Variants in PKD1L1 observed in about 807,000 individuals in gnomAD.
PKD1L1 encodes the protein polycystin-1-like protein 1.
Under a neutral mutation model 323.4 loss-of-function variants are expected in PKD1L1, and 236 were observed. The observed-to-expected ratio is 0.73, with a 90% confidence interval of 0.66 to 0.81. The LOEUF is 0.81. PKD1L1 is among the 40% of genes least tolerant of loss of function. The pLI is 0.00. For missense variants in PKD1L1, 3,320 were observed against 3,508.0 expected, an observed-to-expected ratio of 0.95 and a Z score of 1.35; for synonymous variants, 1,344 against 1,335.0, an observed-to-expected ratio of 1.01 and a Z score of -0.15.
chr7:47,877,597 C>G lies in PKD1L1; in HGVS notation c.3555G>C (p.Leu1185=). 1.2e-6 allele frequency: 2 copies of G among 1,614,180 alleles called. No homozygotes were observed. Among genetic ancestry groups the G allele is most frequent in the Non-Finnish European group, 1.7e-6 (2 of 1,180,024 alleles). ...SKHGLLGKAQ[L]YLTVNPAPRD... ...GAGGAGCCGGGTTGACTGTCAAGTA[C>G]AGCTGAGCTTTACCCAGTAAGCCAT... Residue 1185 remains leucine (L), a synonymous_variant, in exon 22 of 57, where the codon CTG becomes CTC. Coordinates refer to ENST00000289672, the MANE Select transcript of PKD1L1 (RefSeq NM_138295.5).
intron 31 of PKD1L1, among the ~76,000 whole-genome samples, chr7:47,849,506 AAC>A (rs1430042389): frequency 3.9e-5 from 6 of 152,164 alleles, no homozygotes; most frequent in Admixed American, 3.9e-4. Context: ...CGCAAGAAAA[AAC>A]AAATAACCCC....
chr7:47,817,869 CA>C (rs200789984), intron 46 of PKD1L1, among the ~76,000 whole-genome samples: 15 of 149,892 alleles, frequency 1.0e-4, no homozygotes, highest in East Asian at 1.9e-4. Flanking sequence ...GGCTCTGTCT[CA>C]AAAAAAAAAT....
At chr7:47,919,818 C>G (rs1031920222) in intron 7 of PKD1L1, among the ~76,000 whole-genome samples, 7 of 152,214 alleles carry the variant, frequency 4.6e-5, no homozygotes, top group Admixed American at 2.0e-4. Flanking sequence ...ATCCAGCATC[C>G]CTTTATGATT....
intron 32 of PKD1L1, among the ~76,000 whole-genome samples, chr7:47,846,063 T>C (rs6975745): frequency 0.56 from 85,898 of 152,084 alleles, 24,749 homozygotes; most frequent in African/African-American, 0.61. Flanking sequence ...TTTAAGAGTG[T>C]AACATAAGAA....
At chr7:47,922,793 A>G (rs1036121433) in intron 7 of PKD1L1, among the ~76,000 whole-genome samples, 2 of 150,200 alleles carry the variant, frequency 1.3e-5, no homozygotes, top group East Asian at 4.0e-4. Flanking sequence ...CCATCTGGGA[A>G]GTGGGGAGCC....
Position 47,946,123 on chromosome 7 carries a change from C to T in PKD1L1, c.44+2274G>A, listed in dbSNP as rs1279132190. On this transcript the variant is annotated intron_variant, in intron 1 of 56. Transcript: ENST00000289672. The surrounding 1 kb of genome is among the most constrained non-coding windows in gnomAD (Gnocchi z 4.1). ...CCTGGCACAGAATCAGCACCATTTTCACAGAGGTACCTGGCTTCCTCTTAG... is the reference window on the plus strand; with the variant it reads ...CCTGGCACAGAATCAGCACCATTTTTACAGAGGTACCTGGCTTCCTCTTAG... 6.6e-6 allele frequency among the ~76,000 whole-genome samples: 1 copy of T among 152,176 alleles called. No individual in the cohort carries two copies. The highest frequency in any genetic ancestry group is 2.4e-5 in the African/African-American group (1 of 41,428).
At chr7:47,869,631 G>C (rs1294164658) in intron 24 of PKD1L1, among the ~76,000 whole-genome samples, 1 of 152,100 alleles carries the variant, frequency 6.6e-6, no homozygotes, top group East Asian at 1.9e-4. Flanking sequence ...CAGAACTGAA[G>C]GGATACAGAA....
intron 6 of PKD1L1, 134 bp from the exon 7 acceptor site, chr7:47,929,660 TC>T (rs957100648): frequency 5.1e-6 from 4 of 783,220 alleles, no homozygotes; most frequent in African/African-American, 1.8e-5. Flanking sequence ...AGGCTTCACT[TC>T]CACTGGTTCT....
At chr7:47,876,260 C>T (rs1426657258) in intron 22 of PKD1L1, 43 bp from the exon 23 acceptor site, 9 of 1,602,148 alleles carry the variant, frequency 5.6e-6, no homozygotes, top group Admixed American at 1.7e-5. Context: ...TAAATGAACA[C>T]ACTGTGAATG....
chr7:47,790,697 T>C (rs908393479), intron 56 of PKD1L1, among the ~76,000 whole-genome samples: 2 of 152,090 alleles, frequency 1.3e-5, no homozygotes, highest in Non-Finnish European at 2.9e-5. Context: ...TATCTAGGTG[T>C]CAGTAGGATT....
intron 7 of PKD1L1, among the ~76,000 whole-genome samples, chr7:47,916,630 C>G (rs1418944535): frequency 6.6e-6 from 1 of 152,190 alleles, no homozygotes; most frequent in Non-Finnish European, 1.5e-5. Context: ...CTGAGAGACT[C>G]ACAAATGGTT....
At chr7:47,842,937 G>A (rs749913820) in intron 34 of PKD1L1, 25 bp downstream of exon 34, 1 of 1,597,978 alleles carries the variant, frequency 6.3e-7, no homozygotes, top group South Asian at 1.1e-5. Flanking sequence ...CACCATCAAA[G>A]AGTACCCCCA....
upstream of PKD1L1, among the ~76,000 whole-genome samples, chr7:47,949,745 G>A (rs140469689): frequency 7.5e-3 from 1,139 of 152,220 alleles, 20 homozygotes; most frequent in African/African-American, 0.026. Flanking sequence ...AGAAGAGTGG[G>A]AACGTTTTCA....
At chr7:47,951,718 C>T (rs1156397021), upstream of PKD1L1, among the ~76,000 whole-genome samples, 1 of 152,186 alleles carries the variant, frequency 6.6e-6, no homozygotes, top group Non-Finnish European at 1.5e-5. Context: ...TTTAATGATA[C>T]TAAGTTTCAG....
chr7:47,794,713 G>A (rs1255126274), intron 55 of PKD1L1, among the ~76,000 whole-genome samples: 12 of 152,202 alleles, frequency 7.9e-5, no homozygotes, highest in African/African-American at 2.7e-4. Flanking sequence ...CTCAATGCCA[G>A]CCCATGAAAG....
chr7:47,905,826 T>A lies in PKD1L1; in HGVS notation c.1522+17A>T. On this transcript the variant is annotated intron_variant, in intron 10 of 56. Coordinates refer to ENST00000289672, the MANE Select transcript of PKD1L1 (RefSeq NM_138295.5). ...AGGGAGGTTTTTGTTAAATCTGGAA[T>A]TAAAACAAAGACATACATTGCATCT... The A allele has an allele frequency of 6.2e-7, 1 of 1,610,512 alleles. No homozygotes were observed. The highest frequency in any genetic ancestry group is 8.5e-7 in the Non-Finnish European group (1 of 1,179,278).
intron 56 of PKD1L1, among the ~76,000 whole-genome samples, chr7:47,781,393 T>C (rs1308498278): frequency 1.2e-5 from 1 of 82,210 alleles, no homozygotes; most frequent in African/African-American, 4.3e-5. Flanking sequence ...AAAGGTTTTT[T>C]TTTTTGTTTT....
chr7:47,886,020 C>A lies in PKD1L1; in HGVS notation c.2871G>T (p.Ser957=), dbSNP rs200949279. 6.2e-7 allele frequency: 1 copy of A among 1,613,952 alleles called. No homozygotes were observed. The highest frequency in any genetic ancestry group is 8.5e-7 in the Non-Finnish European group (1 of 1,179,912). The part of the protein sequence containing the change: ...PFCRVVGLLG[S]LGLGAISESS... ...ACTCTGAAATGGCACCGAGTCCCAG[C>A]GAGCCAAGCAGCCCCACTACTCTGC... Residue 957 remains serine, a synonymous_variant, in exon 18 of 57, where the codon TCG becomes TCT. Coordinates refer to ENST00000289672, the MANE Select transcript of PKD1L1 (RefSeq NM_138295.5).
rs998474073 is a variant in PKD1L1 at position 47,884,319 on chromosome 7, C to T, written c.3265+279G>A. ...CGTGGAGGAAGGCATTTTTGGCAGA[C>T]GACACTCCATGACCAAGGCATGGAA... On this transcript the variant is annotated intron_variant, in intron 19 of 56. Transcript: ENST00000289672. Among the ~76,000 whole-genome samples, 5 of 152,186 alleles carry T rather than the reference C, an allele frequency of 3.3e-5. No individual in the cohort carries two copies. The South Asian group carries it at 6.2e-4, about 19-fold the overall frequency.
Sources: gnomAD v4.1 joint callset for allele counts (sites outside exome capture counted in the v4.1 genomes callset) on GRCh38, gnomAD v4.1.1 for gene constraint, Gnocchi (gnomAD v3.1) non-coding constraint, MANE v1.5 for transcripts, NCBI Gene and HGNC (gene_info 2026-07-23, HGNC 2026-07-21) for gene names.